Variants in DLG2 observed in about 807,000 individuals in gnomAD.
DLG2 encodes the protein disks large homolog 2.
In DLG2, 45 loss-of-function variants were observed where a neutral mutation model predicts 132.5. That is an observed-to-expected ratio of 0.34 (90% CI 0.27 to 0.44). The LOEUF is 0.44. DLG2 is among the 20% of genes least tolerant of loss of function. The pLI is 1.00. For missense variants in DLG2, 1,045 were observed against 1,196.9 expected, an observed-to-expected ratio of 0.87 and a Z score of 1.87; for synonymous variants, 424 against 419.6, an observed-to-expected ratio of 1.01 and a Z score of -0.13.
chr11:85,100,034 C>T (rs1217398983), intron 6 of DLG2, among the ~76,000 whole-genome samples: 1 of 152,056 alleles, frequency 6.6e-6, no homozygotes, highest in Non-Finnish European at 1.5e-5. Context: ...TAGGAAATAC[C>T]TTTCAAAGAT....
At chr11:84,130,686 C>G (rs1221313733) in intron 9 of DLG2, among the ~76,000 whole-genome samples, 1 of 151,584 alleles carries the variant, frequency 6.6e-6, no homozygotes, top group Admixed American at 6.6e-5. Context: ...CTATTTGTGT[C>G]CAACTTGTGA....
At chr11:84,999,790 T>C (rs1427007292) in intron 6 of DLG2, among the ~76,000 whole-genome samples, 5 of 152,126 alleles carry the variant, frequency 3.3e-5, no homozygotes, top group African/African-American at 4.8e-5. Context: ...GATACTCTCA[T>C]GTCTATAAAA....
chr11:84,492,622 A>C (rs2154497911), intron 7 of DLG2, among the ~76,000 whole-genome samples: 1 of 152,290 alleles, frequency 6.6e-6, no homozygotes, highest in East Asian at 1.9e-4. Context: ...TAATGTGAAG[A>C]GTAGAATAAT....
intron 18 of DLG2, among the ~76,000 whole-genome samples, chr11:83,738,221 A>T (rs1473829231): frequency 6.6e-6 from 1 of 152,186 alleles, no homozygotes; most frequent in Non-Finnish European, 1.5e-5. Context: ...ACAACCAGCC[A>T]CCATTACAAT....
chr11:83,911,391 C>G (rs2076013624), intron 15 of DLG2, among the ~76,000 whole-genome samples: 1 of 152,100 alleles, frequency 6.6e-6, no homozygotes, highest in African/African-American at 2.4e-5. Flanking sequence ...ATTAGCAAAA[C>G]TAACAGGCTA....
chr11:84,847,074 G>A (rs546010480), intron 6 of DLG2, among the ~76,000 whole-genome samples: 1 of 152,220 alleles, frequency 6.6e-6, no homozygotes, highest in East Asian at 1.9e-4. Context: ...AAACATGAGA[G>A]AGAATAATAA....
intron 19 of DLG2, among the ~76,000 whole-genome samples, chr11:83,577,756 AT>A (rs1244977822): frequency 1.8e-4 from 23 of 127,536 alleles, no homozygotes; most frequent in Admixed American, 9.5e-4. Context: ...TAAATATATA[AT>A]TATTAAATTA....
At chr11:85,223,087 C>A (rs747900808) in intron 4 of DLG2, among the ~76,000 whole-genome samples, 1 of 152,072 alleles carries the variant, frequency 6.6e-6, no homozygotes, top group Middle Eastern at 3.4e-3. Context: ...AAATCAAATG[C>A]CAAGAAAGAA....
chr11:84,056,927 G>A (rs915716034), intron 11 of DLG2, among the ~76,000 whole-genome samples: 2 of 152,044 alleles, frequency 1.3e-5, no homozygotes, highest in Non-Finnish European at 2.9e-5. Context: ...CAGGAATTTC[G>A]CAAGAGCCTG....
intron 18 of DLG2, among the ~76,000 whole-genome samples, chr11:83,640,184 T>C (rs1227536455): frequency 6.6e-6 from 1 of 152,188 alleles, no homozygotes; most frequent in Admixed American, 6.6e-5. Context: ...GTTATCCATT[T>C]CCACACTACA....
chr11:84,513,004 G>C (rs182424637), intron 7 of DLG2, among the ~76,000 whole-genome samples: 335 of 152,026 alleles, frequency 2.2e-3, no homozygotes, highest in African/African-American at 7.6e-3. Flanking sequence ...GGGACTAGGG[G>C]AGGGAGAGGA....
chr11:85,066,959 G>A (rs1298307706), intron 6 of DLG2, among the ~76,000 whole-genome samples: 1 of 151,652 alleles, frequency 6.6e-6, no homozygotes, highest in Non-Finnish European at 1.5e-5. Context: ...AGAAATAAAA[G>A]GGATCCAAAT....
intron 21 of DLG2, among the ~76,000 whole-genome samples, chr11:83,517,030 T>G (rs889618719): frequency 7.9e-5 from 12 of 152,298 alleles, no homozygotes; most frequent in African/African-American, 2.6e-4. Flanking sequence ...AGGAGTATCT[T>G]TGTGGCATTC....
chr11:83,956,252 A>C (rs2086802797), intron 14 of DLG2, among the ~76,000 whole-genome samples: 2 of 152,140 alleles, frequency 1.3e-5, no homozygotes, highest in Admixed American at 1.3e-4. Context: ...GCTTGGGACC[A>C]CTGAGTGCAG....
intron 21 of DLG2, among the ~76,000 whole-genome samples, chr11:83,519,662 G>T (rs190869349): frequency 1.8e-3 from 276 of 152,246 alleles, no homozygotes; most frequent in Non-Finnish European, 2.9e-3. Flanking sequence ...AACATCAATT[G>T]TATTGTTATC....
chr11:85,606,255 A>G (rs2080530758), intron 2 of DLG2, among the ~76,000 whole-genome samples: 2 of 152,214 alleles, frequency 1.3e-5, no homozygotes, highest in Non-Finnish European at 2.9e-5. Flanking sequence ...TTTTATCATT[A>G]CTTATTAGAC....
At chr11:83,467,758 AT>A (rs1277697349) in intron 25 of DLG2, among the ~76,000 whole-genome samples, 2 of 116,660 alleles carry the variant, frequency 1.7e-5, no homozygotes, top group Non-Finnish European at 3.5e-5. Flanking sequence ...CTCAAAAAAA[AT>A]AAAAACTATA....
rs143613104 is a variant in DLG2 at position 85,424,435 on chromosome 11, C to T, written c.41-139070G>A. ...CTGCAATCTAGTCCTACCTCCCATC[C>T]GCCATGACCCCCAGTTCTCCTGGGA... On this transcript the variant is annotated intron_variant, in intron 3 of 27. Transcript: ENST00000376104. Among the ~76,000 whole-genome samples, 54 of 152,282 alleles carry T rather than the reference C, an allele frequency of 3.5e-4. No homozygotes were observed. The East Asian group carries it at 9.3e-3, about 26-fold the overall frequency.
At chr11:84,566,177 G>A (rs1297289069) in intron 6 of DLG2, among the ~76,000 whole-genome samples, 1 of 151,886 alleles carries the variant, frequency 6.6e-6, no homozygotes, top group Non-Finnish European at 1.5e-5. Context: ...TGGCCAGGCT[G>A]GTTTTGAACT....
Sources: allele counts gnomAD v4.1 joint callset (sites outside exome capture counted in the v4.1 genomes callset), GRCh38; gene constraint gnomAD v4.1.1; transcripts MANE v1.5; gene names NCBI Gene and HGNC (gene_info 2026-07-23, HGNC 2026-07-21).